The following PDE10A variants were observed in gnomAD, a reference collection of about 807,000 sequenced individuals.
PDE10A encodes phosphodiesterase 10A.
A neutral mutation model predicts 97.7 loss-of-function variants in PDE10A; 39 were observed. The ratio of observed to expected loss-of-function variants is 0.40; its 90% CI spans 0.31 to 0.52. The LOEUF (loss-of-function observed/expected upper bound fraction) is 0.52, where lower values mean the gene tolerates loss of function less well. Among genes scored for constraint, PDE10A ranks in the 20% least tolerant of loss-of-function variants. The pLI, the probability that PDE10A is intolerant of heterozygous loss-of-function variation, is 0.56. For synonymous variants in PDE10A, 371 were observed against 376.8 expected (o/e 0.98, Z 0.18); for missense variants, 731 against 1,047.8 (o/e 0.70, Z 4.17).
At chr6:165,343,789 C>A (rs1283974791) in intron 18 of PDE10A, among the ~76,000 whole-genome samples, 1 of 152,212 alleles carries the variant, frequency 6.6e-6, no homozygotes, top group East Asian at 1.9e-4. Flanking sequence ...GACTAGGCTG[C>A]CATCTAAATC....
chr6:165,643,415 A>C (rs1385460659), intron 1 of PDE10A, among the ~76,000 whole-genome samples: 1 of 152,178 alleles, frequency 6.6e-6, no homozygotes, highest in Non-Finnish European at 1.5e-5. Flanking sequence ...TGTTCTCCCC[A>C]AACTCTGCCC....
chr6:165,603,612 G>A (rs1381439120), intron 1 of PDE10A, among the ~76,000 whole-genome samples: 2 of 152,216 alleles, frequency 1.3e-5, no homozygotes, highest in African/African-American at 2.4e-5. Context: ...AAAGCCCCTG[G>A]CAGAGAATCT....
intron 1 of PDE10A, among the ~76,000 whole-genome samples, chr6:165,631,252 A>T (rs1052897165): frequency 1.3e-5 from 2 of 151,908 alleles, no homozygotes; most frequent in Non-Finnish European, 2.9e-5. Context: ...ACTGATAACA[A>T]TTGCAAATGA....
chr6:165,799,793 C>T (rs1415240343), intron 1 of PDE10A, among the ~76,000 whole-genome samples: 1 of 152,158 alleles, frequency 6.6e-6, no homozygotes, highest in African/African-American at 2.4e-5. Context: ...ATCATTCTTA[C>T]CAAGTGGACC....
chr6:165,776,520 G>GGT (rs1778189119), intron 1 of PDE10A, among the ~76,000 whole-genome samples: 1 of 152,148 alleles, frequency 6.6e-6, no homozygotes, highest in Non-Finnish European at 1.5e-5. Context: ...TTTTTGATAT[G>GGT]CATATGCCGA....
At chr6:165,446,974 A>C (rs1790894064) in intron 5 of PDE10A, among the ~76,000 whole-genome samples, 1 of 152,222 alleles carries the variant, frequency 6.6e-6, no homozygotes, top group Non-Finnish European at 1.5e-5. Context: ...AGTAAAGATT[A>C]AATAATTCAA....
At chr6:165,602,551 A>C (rs1474489408) in intron 1 of PDE10A, among the ~76,000 whole-genome samples, 1 of 152,168 alleles carries the variant, frequency 6.6e-6, no homozygotes, top group Non-Finnish European at 1.5e-5. Context: ...ATATACCATG[A>C]AGTTTCAGGG....
intron 1 of PDE10A, among the ~76,000 whole-genome samples, chr6:165,678,432 GA>G (rs77098604): frequency 0.055 from 8,121 of 147,856 alleles, 376 homozygotes; most frequent in East Asian, 0.26. Context: ...CTGTATTCTT[GA>G]AAAAAAAAAT....
intron 1 of PDE10A, among the ~76,000 whole-genome samples, chr6:165,893,021 G>A (rs1466740231): frequency 6.6e-6 from 1 of 152,200 alleles, no homozygotes; most frequent in East Asian, 1.9e-4. Context: ...GTCTCCCCAG[G>A]TAGGATTTAA....
intron 1 of PDE10A, among the ~76,000 whole-genome samples, chr6:165,881,732 T>A (rs1781484994): frequency 6.6e-6 from 1 of 152,036 alleles, no homozygotes; most frequent in East Asian, 1.9e-4. Context: ...CTCCCCCAGG[T>A]TGCATTTGAC....
At chr6:165,645,419 A>G (rs955713454) in intron 1 of PDE10A, among the ~76,000 whole-genome samples, 6 of 152,190 alleles carry the variant, frequency 3.9e-5, no homozygotes, top group African/African-American at 9.6e-5. Context: ...ACTGGAGTTC[A>G]CAGACGTCTT....
chr6:165,911,647 T>C (rs1269644511), intron 1 of PDE10A, among the ~76,000 whole-genome samples: 3 of 152,202 alleles, frequency 2.0e-5, no homozygotes, highest in Non-Finnish European at 4.4e-5. Context: ...TTCCATTCCC[T>C]GACATCAGCA....
At chr6:165,955,838 G>A (rs1784119225) in intron 1 of PDE10A, among the ~76,000 whole-genome samples, 2 of 152,276 alleles carry the variant, frequency 1.3e-5, no homozygotes, top group South Asian at 4.1e-4. Context: ...TATTTTGGAA[G>A]TATAACATAA....
At chr6:165,893,665 C>T (rs1019063353) in intron 1 of PDE10A, among the ~76,000 whole-genome samples, 1 of 152,144 alleles carries the variant, frequency 6.6e-6, no homozygotes, top group Non-Finnish European at 1.5e-5. Flanking sequence ...ATTCCTAATG[C>T]CTTTCCTTTC....
chr6:165,390,230 G>A (rs765707728), intron 16 of PDE10A, among the ~76,000 whole-genome samples: 1 of 152,196 alleles, frequency 6.6e-6, no homozygotes, highest in African/African-American at 2.4e-5. Flanking sequence ...CAAGAGTGCC[G>A]AATGTCCCGG....
chr6:165,828,363 C>G (rs1221231581), intron 1 of PDE10A, among the ~76,000 whole-genome samples: 2 of 152,152 alleles, frequency 1.3e-5, no homozygotes, highest in Non-Finnish European at 2.9e-5. Context: ...TGAGAATAAG[C>G]TAGGTCTGAA....
intron 1 of PDE10A, among the ~76,000 whole-genome samples, chr6:165,830,005 C>G (rs577470000): frequency 6.6e-6 from 1 of 152,132 alleles, no homozygotes; most frequent in Non-Finnish European, 1.5e-5. Flanking sequence ...TGTGTGGCAG[C>G]GGCAATAAAC....
intron 5 of PDE10A, among the ~76,000 whole-genome samples, chr6:165,441,862 C>G (rs1037026231): frequency 2.6e-5 from 4 of 152,144 alleles, no homozygotes; most frequent in African/African-American, 9.7e-5. Context: ...CAATTTCCTC[C>G]TTGGCTACTG....
intron 1 of PDE10A, among the ~76,000 whole-genome samples, chr6:165,956,550 C>T (rs1784139579): frequency 6.6e-6 from 1 of 152,152 alleles, no homozygotes; most frequent in Non-Finnish European, 1.5e-5. Context: ...CTGCAGGATC[C>T]AAATTTTCTT....
Sources: gnomAD v4.1 joint callset for allele counts (sites outside exome capture counted in the v4.1 genomes callset) on GRCh38, gnomAD v4.1.1 for gene constraint, MANE v1.5 for transcripts, NCBI Gene and HGNC (gene_info 2026-07-23, HGNC 2026-07-21) for gene names.